Variants in DYNLRB2 observed in about 807,000 individuals in gnomAD.
DYNLRB2 encodes the protein bithoraxoid-like protein.
In DYNLRB2, 14 loss-of-function variants were observed where a neutral mutation model predicts 12.6. The ratio of observed to expected loss-of-function variants is 1.11; its 90% CI spans 0.73 to 1.73. The LOEUF is 1.73. DYNLRB2 is among the 40% of genes most tolerant of loss of function. The pLI is 0.00. For synonymous variants in DYNLRB2, 53 were observed against 37.0 expected (o/e 1.43, Z -1.57); for missense variants, 142 against 117.7 (o/e 1.21, Z -0.95).
At chr16:80,540,822 G>A (rs1167325381), upstream of DYNLRB2, 1 of 714,640 alleles carries the variant, frequency 1.4e-6, no homozygotes, top group East Asian at 2.7e-5. Context: ...TTCCCTCCCG[G>A]GACCCACTGC....
chr16:80,547,477 A>G (rs1202721735), intron 2 of DYNLRB2, among the ~76,000 whole-genome samples: 2 of 148,650 alleles, frequency 1.3e-5, no homozygotes. Flanking sequence ...GGCGGATATG[A>G]AAAACTCCAT....
chr16:80,541,031 G>C lies in DYNLRB2; in HGVS notation c.-46G>C, dbSNP rs765662097. 1.2e-6 allele frequency: 2 copies of C among 1,600,842 alleles called. No individual in the cohort carries two copies. The highest frequency in any genetic ancestry group is 2.2e-5 in the East Asian group (1 of 44,660). ...GGCGGGTAGCGTTGTTGACATCCCGGGAGGCTGTGCCGCCGGCCTGAGCCC... is the reference window on the plus strand; with the variant it reads ...GGCGGGTAGCGTTGTTGACATCCCGCGAGGCTGTGCCGCCGGCCTGAGCCC... On this transcript the variant is annotated 5_prime_UTR_variant, in exon 1 of 4. Coordinates refer to ENST00000305904, the MANE Select transcript of DYNLRB2 (RefSeq NM_130897.3).
chr16:80,545,683 T>TTTTTTTTTTG, intron 2 of DYNLRB2, among the ~76,000 whole-genome samples: 1 of 137,738 alleles, frequency 7.3e-6, no homozygotes, highest in Non-Finnish European at 1.6e-5. Flanking sequence ...TTTTTTTTTT[T>TTTTTTTTTTG]TTGAGATGGA....
In DYNLRB2 at chr16:80,543,277, C is replaced by A; in HGVS notation, c.5C>A (p.Ala2Glu). The change falls in exon 2 of 4, where the codon GCA becomes GAA. Residue 2 changes from alanine to glutamate, a missense_variant and splice_region_variant. Coordinates refer to ENST00000305904, the MANE Select transcript of DYNLRB2 (RefSeq NM_130897.3). ...AATTATCTTCCTGGTCTCTTTCAGG[C>A]AGAGGTGGAGGAAACCTTAAAGAGG... M[A>E]EVEETLKRIQ... The A allele has an allele frequency of 6.2e-7, 1 of 1,613,826 alleles. No individual in the cohort carries two copies. Among genetic ancestry groups the A allele is most frequent in the South Asian group, 1.1e-5 (1 of 91,042 alleles).
chr16:80,550,048 C>G (rs1904741901), intron 3 of DYNLRB2, among the ~76,000 whole-genome samples: 1 of 152,190 alleles, frequency 6.6e-6, no homozygotes, highest in South Asian at 2.1e-4. Flanking sequence ...GTACATCCCC[C>G]AGGTCTACCA....
intron 1 of DYNLRB2, among the ~76,000 whole-genome samples, chr16:80,542,865 G>T (rs1904301188): frequency 6.6e-6 from 1 of 152,166 alleles, no homozygotes; most frequent in Admixed American, 6.5e-5. Context: ...CCATGATATA[G>T]CTCTATAAAT....
At chr16:80,548,557 A>C (rs963894604) in intron 2 of DYNLRB2, among the ~76,000 whole-genome samples, 3 of 152,102 alleles carry the variant, frequency 2.0e-5, no homozygotes, top group Admixed American at 6.5e-5. Flanking sequence ...CCCTGTCTCT[A>C]CTAAAAATAC....
intron 2 of DYNLRB2, 60 bp downstream of exon 2, chr16:80,543,411 G>C (rs372358788): frequency 6.5e-7 from 1 of 1,537,050 alleles, no homozygotes. Flanking sequence ...CCTGTTTGCC[G>C]TGTTAGTCCT....
intron 2 of DYNLRB2, among the ~76,000 whole-genome samples, chr16:80,546,579 G>T (rs897678097): frequency 9.2e-5 from 14 of 152,236 alleles, no homozygotes; most frequent in African/African-American, 3.4e-4. Flanking sequence ...TATTAGAGTA[G>T]ATTTTTGTTA....
intron 2 of DYNLRB2, among the ~76,000 whole-genome samples, chr16:80,545,513 A>T (rs1401462844): frequency 6.6e-6 from 1 of 152,098 alleles, no homozygotes; most frequent in East Asian, 1.9e-4. Context: ...ATACACTTCA[A>T]ATAAATAGGA....
At chr16:80,549,185 T>C (rs1253825522) in intron 2 of DYNLRB2, 1 of 352,404 alleles carries the variant, frequency 2.8e-6, no homozygotes, top group Non-Finnish European at 5.5e-6. Context: ...AATAGTGAAG[T>C]ATGCAGTTAT....
chr16:80,548,493 T>G (rs1046863001), intron 2 of DYNLRB2, among the ~76,000 whole-genome samples: 18 of 152,210 alleles, frequency 1.2e-4, no homozygotes, highest in African/African-American at 4.3e-4. Context: ...GTGGGAGGCA[T>G]GAGGCGGGTG....
intron 1 of DYNLRB2, 128 bp from the exon 2 acceptor site, chr16:80,543,148 G>C: frequency 1.1e-6 from 1 of 874,530 alleles, no homozygotes; most frequent in Non-Finnish European, 1.7e-6. Context: ...TTAAAAATCT[G>C]AGATTATCAC....
chr16:80,541,409 A>AG (rs1361385418), intron 1 of DYNLRB2: 1 of 984,126 alleles, frequency 1.0e-6, no homozygotes, highest in Admixed American at 6.2e-5. Flanking sequence ...GTTTCCAAAG[A>AG]GGGGGCGGGA....
At chr16:80,547,326 G>C (rs1904536192) in intron 2 of DYNLRB2, among the ~76,000 whole-genome samples, 1 of 152,160 alleles carries the variant, frequency 6.6e-6, no homozygotes, top group South Asian at 2.1e-4. Context: ...TAAGAAACCA[G>C]TGGTTGTTTC....
chr16:80,549,296 A>G (rs1296907866), intron 2 of DYNLRB2, 188 bp from the exon 3 acceptor site: 9 of 564,384 alleles, frequency 1.6e-5, no homozygotes, highest in Non-Finnish European at 2.7e-5. Context: ...GTTTCACACA[A>G]CTATACTTAA....
At chr16:80,541,359 A>G in intron 1 of DYNLRB2, 3 of 984,608 alleles carry the variant, frequency 3.0e-6, no homozygotes, top group South Asian at 4.7e-5. Context: ...CAGAGGATGA[A>G]GAATGCTCAG....
rs1264709646 is a variant in DYNLRB2, at chr16:80,550,556, T to C, written c.289T>C (p.Ter97GlnextTer30). 6.8e-6 allele frequency: 11 copies of C among 1,614,200 alleles called. No individual in the cohort carries two copies. The highest frequency in any genetic ancestry group is 5.5e-5 in the South Asian group (5 of 91,090). Residue 97 changes from the stop codon to glutamine, a stop_lost, in exon 4 of 4, where the codon TAG (stop) becomes CAG (glutamine). Coordinates refer to ENST00000305904, the MANE Select transcript of DYNLRB2 (RefSeq NM_130897.3). The stretch of plus-strand genomic sequence containing the variant: ...GATCGTCATTCAGAATCCATGTGAA[T>C]AGACCTGCGATGGCCAAGGCTGTTT... ...LLIVIQNPCE[*>Q]
rs1332135971 is a variant in DYNLRB2 at position 80,549,428 on chromosome 16, T to C, written c.80-56T>C. The C allele has an allele frequency of 4.0e-6, 6 of 1,485,016 alleles. No homozygotes were observed. In the African/African-American group the frequency reaches 5.6e-5, roughly 14 times the overall value. The allele number at this position is 1,485,016 out of a possible 1,614,324, so 92.0% of individuals were successfully genotyped here. The stretch of plus-strand genomic sequence containing the variant: ...AGTGTTTTCCAATACTTCCACACTG[T>C]ACTTATTACTTTTCTAATCAGAAAA... On this transcript the variant is annotated intron_variant, in intron 2 of 3. Transcript: ENST00000305904.
Sources: allele counts gnomAD v4.1 joint callset (sites outside exome capture counted in the v4.1 genomes callset), GRCh38; gene constraint gnomAD v4.1.1; transcripts MANE v1.5; gene names NCBI Gene and HGNC (gene_info 2026-07-23, HGNC 2026-07-21).